RASGEF1C: variants seen among roughly 807,000 people sequenced by gnomAD.
The protein encoded by RASGEF1C is RasGEF domain family member 1C, also known as ras-GEF domain-containing family member 1C.
A neutral mutation model predicts 58.1 loss-of-function variants in RASGEF1C; 27 were observed. The observed-to-expected ratio is 0.46, with a 90% confidence interval of 0.34 to 0.64. The LOEUF (loss-of-function observed/expected upper bound fraction) is 0.64, where lower values mean the gene tolerates loss of function less well. Among genes scored for constraint, RASGEF1C ranks in the 30% least tolerant of loss-of-function variants. RASGEF1C has a pLI of 0.01. For missense variants in RASGEF1C, 502 were observed against 605.1 expected, an observed-to-expected ratio of 0.83 and a Z score of 1.79; for synonymous variants, 243 against 246.3, an observed-to-expected ratio of 0.99 and a Z score of 0.13.
chr5:180,200,549 G>A (rs1756370432), intron 1 of RASGEF1C, among the ~76,000 whole-genome samples: 1 of 151,854 alleles, frequency 6.6e-6, no homozygotes, highest in Non-Finnish European at 1.5e-5. Context: ...TCCTGACCTT[G>A]TGATCCGCCC....
intron 10 of RASGEF1C, among the ~76,000 whole-genome samples, chr5:180,118,105 A>G (rs1009223180): frequency 1.7e-4 from 26 of 152,124 alleles, no homozygotes; most frequent in Non-Finnish European, 3.7e-4. Context: ...CACATAAATA[A>G]AAGTATTACG....
At chr5:180,194,445 AC>A (rs1581130102) in intron 1 of RASGEF1C, among the ~76,000 whole-genome samples, 1 of 152,284 alleles carries the variant, frequency 6.6e-6, no homozygotes, top group East Asian at 1.9e-4. Flanking sequence ...ATTTGGCCGC[AC>A]CCATGCGGAA....
intron 10 of RASGEF1C, 68 bp from the exon 11 acceptor site, chr5:180,114,609 A>G: frequency 6.8e-7 from 1 of 1,464,626 alleles, no homozygotes. Flanking sequence ...GACGGGGGGC[A>G]GCCTTGCCAG....
At chr5:180,203,052 G>C (rs564887051) in intron 1 of RASGEF1C, among the ~76,000 whole-genome samples, 1 of 152,160 alleles carries the variant, frequency 6.6e-6, no homozygotes, top group Non-Finnish European at 1.5e-5. Flanking sequence ...GCTTTGTCCA[G>C]TCAAAGGGTG....
chr5:180,142,131 C>T (rs1487567503), intron 1 of RASGEF1C, among the ~76,000 whole-genome samples: 1 of 152,090 alleles, frequency 6.6e-6, no homozygotes. Flanking sequence ...ATGAGGGGCT[C>T]AGCATGGATG....
chr5:180,180,122 G>A (rs1767300498), intron 1 of RASGEF1C, among the ~76,000 whole-genome samples: 1 of 152,204 alleles, frequency 6.6e-6, no homozygotes, highest in Admixed American at 6.5e-5. Flanking sequence ...CAGCTCTGGG[G>A]GGAAAGCCAG....
intron 6 of RASGEF1C, among the ~76,000 whole-genome samples, chr5:180,124,264 C>T (rs1383221646): frequency 6.6e-6 from 1 of 151,642 alleles, no homozygotes; most frequent in Non-Finnish European, 1.5e-5. Flanking sequence ...AAATACCAAG[C>T]CTAGATGGTT....
intron 1 of RASGEF1C, among the ~76,000 whole-genome samples, chr5:180,182,251 C>G (rs1483069236): frequency 6.9e-6 from 1 of 144,974 alleles, no homozygotes; most frequent in Non-Finnish European, 1.5e-5. Context: ...CATGGACCTT[C>G]ACAGTGAGTG....
At chr5:180,121,407 G>A (rs951595835) in intron 6 of RASGEF1C, among the ~76,000 whole-genome samples, 41 of 151,548 alleles carry the variant, frequency 2.7e-4, no homozygotes, top group African/African-American at 4.9e-4. Context: ...TCCGCCTCCC[G>A]GGTTCACGCC....
chr5:180,179,024 G>A (rs1327967116), intron 1 of RASGEF1C, among the ~76,000 whole-genome samples: 1 of 152,110 alleles, frequency 6.6e-6, no homozygotes, highest in African/African-American at 2.4e-5. Flanking sequence ...GCCGGGAGGA[G>A]GCGGGTTTAT....
intron 1 of RASGEF1C, among the ~76,000 whole-genome samples, chr5:180,140,847 A>G (rs1766566537): frequency 6.6e-6 from 1 of 152,196 alleles, no homozygotes; most frequent in Non-Finnish European, 1.5e-5. Context: ...GCATGTGCAG[A>G]GGCTCGGCGG....
At chr5:180,151,776 C>G (rs941261491) in intron 1 of RASGEF1C, among the ~76,000 whole-genome samples, 29 of 151,902 alleles carry the variant, frequency 1.9e-4, no homozygotes, top group Non-Finnish European at 4.3e-4. Context: ...TCAGAGTGAA[C>G]AGGCAACCTA....
At chr5:180,191,419 C>G (rs1027339928) in intron 1 of RASGEF1C, among the ~76,000 whole-genome samples, 6 of 152,152 alleles carry the variant, frequency 3.9e-5, no homozygotes, top group African/African-American at 9.6e-5. Context: ...TGCAGTGGCG[C>G]GATCTCAGCT....
chr5:180,194,128 A>G (rs755323975), intron 1 of RASGEF1C, among the ~76,000 whole-genome samples: 16 of 151,744 alleles, frequency 1.1e-4, no homozygotes, highest in Non-Finnish European at 1.9e-4. Flanking sequence ...GCTTGCAGAG[A>G]GCAGGACCAC....
chr5:180,169,761 C>T (rs536474975), intron 1 of RASGEF1C, among the ~76,000 whole-genome samples: 16 of 152,156 alleles, frequency 1.1e-4, no homozygotes, highest in African/African-American at 3.6e-4. Flanking sequence ...CTTCTCGTAG[C>T]CCCATGCGCA....
chr5:180,127,081 G>A (rs1233466365), intron 6 of RASGEF1C, among the ~76,000 whole-genome samples: 1 of 152,216 alleles, frequency 6.6e-6, no homozygotes, highest in Non-Finnish European at 1.5e-5. Flanking sequence ...GGGAGGCACC[G>A]GCACCCTGCT....
At chr5:180,109,659 C>T (rs746993965) in intron 12 of RASGEF1C, among the ~76,000 whole-genome samples, 5 of 152,004 alleles carry the variant, frequency 3.3e-5, no homozygotes, top group South Asian at 2.1e-4. Context: ...TATAAGAGGA[C>T]GGCAAAGGGA....
intron 1 of RASGEF1C, among the ~76,000 whole-genome samples, chr5:180,161,460 C>T (rs924998006): frequency 6.6e-5 from 10 of 152,262 alleles, no homozygotes; most frequent in Admixed American, 6.5e-4. Context: ...GGGGGAACTG[C>T]CCAGAATGTG....
At chr5:180,190,257 G>T (rs1353905192) in intron 1 of RASGEF1C, among the ~76,000 whole-genome samples, 1 of 151,990 alleles carries the variant, frequency 6.6e-6, no homozygotes, top group Admixed American at 6.6e-5. Flanking sequence ...GGAGGCCGAG[G>T]CAGGCGGATC....
Sources: gnomAD v4.1 joint callset for allele counts (sites outside exome capture counted in the v4.1 genomes callset) on GRCh38, gnomAD v4.1.1 for gene constraint, MANE v1.5 for transcripts, NCBI Gene and HGNC (gene_info 2026-07-23, HGNC 2026-07-21) for gene names.